TRAP1: variants seen among roughly 807,000 people sequenced by gnomAD.
The protein encoded by TRAP1 is heat shock protein 75 kDa, mitochondrial.
In TRAP1, 102 loss-of-function variants were observed where a neutral mutation model predicts 89.1. That is an observed-to-expected ratio of 1.15 (90% CI 0.98 to 1.35). The LOEUF (loss-of-function observed/expected upper bound fraction) is 1.35. Ranked by LOEUF, TRAP1 falls within the 40% of genes most tolerant of loss-of-function variation. The pLI is 0.00. For synonymous variants in TRAP1, 508 were observed against 388.0 expected (o/e 1.31, Z -3.64); for missense variants, 1,256 against 945.3 (o/e 1.33, Z -4.31).
intron 12 of TRAP1, 76 bp from the exon 13 acceptor site, chr16:3,664,535 C>A: frequency 1.4e-6 from 2 of 1,457,182 alleles, no homozygotes; most frequent in Non-Finnish European, 1.8e-6. Context: ...GGGCGCAAAC[C>A]CTCCGATGCC....
intron 9 of TRAP1, among the ~76,000 whole-genome samples, chr16:3,673,703 T>A (rs1182708098): frequency 1.3e-5 from 2 of 152,038 alleles, no homozygotes; most frequent in South Asian, 2.1e-4. Flanking sequence ...TGCAGGACAT[T>A]AGGAGAGTTT....
At chr16:3,690,339 T>G (rs2051196501) in intron 2 of TRAP1, among the ~76,000 whole-genome samples, 1 of 152,202 alleles carries the variant, frequency 6.6e-6, no homozygotes, top group South Asian at 2.1e-4. Flanking sequence ...CCAAATTAAT[T>G]AGTTAGAAAT....
chr16:3,665,845 C>A, intron 12 of TRAP1, 126 bp downstream of exon 12: 1 of 1,122,394 alleles, frequency 8.9e-7, no homozygotes, highest in Non-Finnish European at 1.2e-6. Context: ...ACCCTGGTGG[C>A]AGCAGCAGCA....
At position 3,714,272 on chromosome 16, in the gene TRAP1, G is replaced by A. The variant is rs149072286; in HGVS notation, c.88+3149C>T. Reference sequence around the variant, plus strand: ...TCACATTTTCTTTGACGACTCGGGGGCATTGGAAATGTATTTGCTGAATAA... The same window carrying A: ...TCACATTTTCTTTGACGACTCGGGGACATTGGAAATGTATTTGCTGAATAA... On this transcript the variant is annotated intron_variant, in intron 1 of 17. Transcript: ENST00000246957. Among the ~76,000 whole-genome samples the A allele has an allele frequency of 7.2e-3, 1,093 of 152,306 alleles. 17 individuals are homozygous for A. The highest frequency in any genetic ancestry group is 0.025 in the African/African-American group (1,040 of 41,560).
At chr16:3,675,449 G>T in intron 7 of TRAP1, 52 bp from the exon 8 acceptor site, 1 of 1,560,318 alleles carries the variant, frequency 6.4e-7, no homozygotes, top group Non-Finnish European at 8.8e-7. Flanking sequence ...TTGTGGAAAC[G>T]CAAGCTTTGC....
intron 10 of TRAP1, among the ~76,000 whole-genome samples, chr16:3,672,347 A>C (rs1181976098): frequency 6.6e-6 from 1 of 152,132 alleles, no homozygotes; most frequent in Non-Finnish European, 1.5e-5. Flanking sequence ...ACAAAACTCT[A>C]TCAGGGATGG....
intron 4 of TRAP1, among the ~76,000 whole-genome samples, chr16:3,683,279 G>C (rs2051096707): frequency 6.6e-6 from 1 of 152,012 alleles, no homozygotes; most frequent in Non-Finnish European, 1.5e-5. Flanking sequence ...GATGCTGGGA[G>C]AGAAAAAGGA....
intron 1 of TRAP1, among the ~76,000 whole-genome samples, chr16:3,702,614 C>T (rs1180916891): frequency 1.3e-5 from 2 of 151,476 alleles, no homozygotes; most frequent in African/African-American, 2.4e-5. Context: ...CATGGTGACA[C>T]GCACCTGTAG....
chr16:3,686,246 A>G (rs2051137297), intron 3 of TRAP1, 110 bp from the exon 4 acceptor site: 3 of 1,291,918 alleles, frequency 2.3e-6, no homozygotes, highest in Non-Finnish European at 2.2e-6. Flanking sequence ...AGAATAGTCA[A>G]TTCTCAAAGC....
chr16:3,658,261 G>A, intron 17 of TRAP1, 31 bp from the exon 18 acceptor site: 1 of 1,533,646 alleles, frequency 6.5e-7, no homozygotes. Flanking sequence ...CCCATTATGA[G>A]GGGCATGGGG....
chr16:3,672,015 G>A (rs2050920828), intron 10 of TRAP1, among the ~76,000 whole-genome samples: 1 of 152,232 alleles, frequency 6.6e-6, no homozygotes, highest in Admixed American at 6.5e-5. Flanking sequence ...GTAACACTCG[G>A]AAAATGACAG....
chr16:3,699,807 G>A (rs1472422833), intron 1 of TRAP1, among the ~76,000 whole-genome samples: 2 of 151,392 alleles, frequency 1.3e-5, no homozygotes, highest in African/African-American at 4.9e-5. Context: ...AGCTGGGACT[G>A]CAGGTAAGCA....
intron 9 of TRAP1, 146 bp downstream of exon 9, chr16:3,674,193 T>A: frequency 8.7e-7 from 1 of 1,145,416 alleles, no homozygotes; most frequent in Non-Finnish European, 1.2e-6. Flanking sequence ...AGTGCTGGGA[T>A]AACAGGCGTG....
At position 3,658,411 on chromosome 16, in the gene TRAP1, C is replaced by T. The variant is rs1009527410; in HGVS notation, c.2014-181G>A. ...CTGGGATTACAGGCGTGAGCCACCA[C>T]GCCTGGCCATTTTTCCGTTTTTAAA... On this transcript the variant is annotated intron_variant, in intron 17 of 17. Transcript: ENST00000246957. The T allele has an allele frequency of 2.3e-4, 139 of 617,462 alleles. 2 individuals carry two copies. Among genetic ancestry groups the T allele is most frequent in the Admixed American group, 1.1e-3 (37 of 33,822 alleles). 38.2% of individuals were successfully genotyped at this position (617,462 alleles called of 1,614,324 possible).
intron 11 of TRAP1, among the ~76,000 whole-genome samples, chr16:3,668,305 C>G (rs1344187769): frequency 6.6e-6 from 1 of 152,190 alleles, no homozygotes; most frequent in East Asian, 1.9e-4. Flanking sequence ...GGTGATCTGC[C>G]TGCCTCGGCC....
intron 1 of TRAP1, among the ~76,000 whole-genome samples, chr16:3,705,928 G>C (rs1269031568): frequency 6.6e-6 from 1 of 151,132 alleles, no homozygotes; most frequent in African/African-American, 2.4e-5. Context: ...CCTGACCTCA[G>C]GTGATCGGCC....
rs1387886261 is a variant in TRAP1 at position 3,675,996 on chromosome 16, A to G, written c.814+40T>C. ...TGACCTGGTGGCCTCCAGGCCACAC[A>G]TGGATCCCAGAGTGAGCCTGGGCCC... On this transcript the variant is annotated intron_variant, in intron 7 of 17. Coordinates refer to ENST00000246957, the MANE Select transcript of TRAP1 (RefSeq NM_016292.3). The G allele has an allele frequency of 3.8e-6, 6 of 1,562,112 alleles. No homozygotes were observed. The Admixed American group carries it at 7.1e-5, about 18-fold the overall frequency.
At chr16:3,658,418 C>CCAA in intron 17 of TRAP1, 188 bp from the exon 18 acceptor site, 1 of 610,356 alleles carries the variant, frequency 1.6e-6, no homozygotes, top group Non-Finnish European at 2.9e-6. Flanking sequence ...CCACGCCTGG[C>CCAA]CATTTTTCCG....
At chr16:3,712,419 G>A (rs1473968999) in intron 1 of TRAP1, among the ~76,000 whole-genome samples, 1 of 151,538 alleles carries the variant, frequency 6.6e-6, no homozygotes, top group Admixed American at 6.6e-5. Flanking sequence ...GACATGGGGG[G>A]CAGGAGTAAA....
Sources: allele counts gnomAD v4.1 joint callset (sites outside exome capture counted in the v4.1 genomes callset), GRCh38; gene constraint gnomAD v4.1.1; transcripts MANE v1.5; gene names NCBI Gene and HGNC (gene_info 2026-07-23, HGNC 2026-07-21).